The following GINS1 variants were observed in gnomAD, a reference collection of about 807,000 sequenced individuals.
GINS1 encodes the protein DNA replication complex GINS protein PSF1.
A neutral mutation model predicts 34.9 loss-of-function variants in GINS1; 26 were observed. The observed-to-expected ratio is 0.74, with a 90% confidence interval of 0.55 to 1.03. GINS1 has a LOEUF of 1.03. GINS1 is among the 50% of genes least tolerant of loss of function. The probability of loss-of-function intolerance (pLI) is 0.00; values close to 1 mark genes in which losing one functional copy is unlikely to be tolerated. For synonymous variants in GINS1, 97 were observed against 84.4 expected, an observed-to-expected ratio of 1.15 and a Z score of -0.82; for missense variants, 235 against 237.9, an observed-to-expected ratio of 0.99 and a Z score of 0.08.
chr20:25,445,874 T>C (rs2090509306), intron 6 of GINS1, 49 bp from the exon 7 acceptor site: 1 of 1,118,432 alleles, frequency 8.9e-7, no homozygotes, highest in Non-Finnish European at 1.3e-6. Context: ...TTCAAATTCT[T>C]TCCCAATCAT....
chr20:25,431,605 C>T (rs1266924248), intron 5 of GINS1, among the ~76,000 whole-genome samples: 1 of 143,924 alleles, frequency 6.9e-6, no homozygotes, highest in African/African-American at 2.6e-5. Flanking sequence ...GGATCTCACT[C>T]TGTTACCCAG....
At chr20:25,416,135 T>G (rs951424104) in intron 2 of GINS1, among the ~76,000 whole-genome samples, 8 of 152,080 alleles carry the variant, frequency 5.3e-5, no homozygotes, top group Non-Finnish European at 1.2e-4. Flanking sequence ...GGTTGCTGTG[T>G]GGAGGGGCTG....
At position 25,441,751 on chromosome 20, in the gene GINS1, C is replaced by G; in HGVS notation, c.497C>G (p.Ser166Ter). Residue 166 changes from serine (S) to a stop codon, truncating the protein, a stop_gained, in exon 6 of 7, where the codon TCA becomes TGA. Coordinates refer to ENST00000262460, the MANE Select transcript of GINS1 (RefSeq NM_021067.5). LOFTEE classifies it high-confidence loss of function. ...YGEFEVDDGT[S>*]VLLKKNSQHF... is the part of the protein sequence containing the mutation. ...GAATTTGAAGTTGATGATGGCACTT[C>G]AGTCCTATTAAAAAAAAATAGCCAG... 6.4e-7 allele frequency: 1 copy of G among 1,559,198 alleles called. No homozygotes were observed. The highest frequency in any genetic ancestry group is 2.3e-5 in the East Asian group (1 of 44,444).
At chr20:25,443,137 C>G (rs1301891118) in intron 6 of GINS1, 1 of 152,126 alleles carries the variant, frequency 6.6e-6, no homozygotes, top group African/African-American at 2.4e-5. Flanking sequence ...TCTTATTTTA[C>G]TAATACCCTT....
chr20:25,413,689 C>T, intron 1 of GINS1, 101 bp from the exon 2 acceptor site: 1 of 752,424 alleles, frequency 1.3e-6, no homozygotes, highest in East Asian at 2.5e-5. Flanking sequence ...TTGCTTTTTG[C>T]TAAAGTATAT....
At position 25,425,235 on chromosome 20, in the gene GINS1, A is replaced by T. The variant is rs1161447083; in HGVS notation, c.355A>T (p.Arg119Ter). The T allele has an allele frequency of 6.6e-7, 1 of 1,518,148 alleles. No homozygotes were observed. The highest frequency in any genetic ancestry group is 9.1e-7 in the Non-Finnish European group (1 of 1,093,410). The allele number at this position is 1,518,148 out of a possible 1,614,324, so 94.0% of individuals were successfully genotyped here. Residue 119 changes from arginine (R) to a stop codon, truncating the protein, a stop_gained, in exon 5 of 7, where the codon AGA (arginine) becomes TGA (stop). Coordinates refer to ENST00000262460, the MANE Select transcript of GINS1 (RefSeq NM_021067.5). LOFTEE classifies it high-confidence loss of function. ...EEMEWFNNYK[R>*]SLATYMRSLG... The stretch of plus-strand genomic sequence containing the variant: ...GATGGAGTGGTTTAATAATTATAAA[A>T]GATCTCTTGCTACTTATATGAGGTC...
intron 5 of GINS1, among the ~76,000 whole-genome samples, chr20:25,425,769 T>C (rs1282771265): frequency 6.6e-6 from 1 of 152,194 alleles, no homozygotes; most frequent in East Asian, 1.9e-4. Flanking sequence ...GTCTTTCAAG[T>C]TGGTGGATTA....
intron 6 of GINS1, among the ~76,000 whole-genome samples, chr20:25,444,648 C>G (rs751844341): frequency 3.9e-5 from 6 of 152,158 alleles, no homozygotes; most frequent in Non-Finnish European, 2.9e-5. Flanking sequence ...AATTGAAAAG[C>G]CTTCCTGCCT....
intron 5 of GINS1, among the ~76,000 whole-genome samples, chr20:25,434,742 G>A (rs902806905): frequency 6.6e-6 from 1 of 152,200 alleles, no homozygotes; most frequent in Non-Finnish European, 1.5e-5. Context: ...ACTGTGCCCA[G>A]CCAGCCTGTC....
At chr20:25,442,711 G>C (rs1476207398) in intron 6 of GINS1, among the ~76,000 whole-genome samples, 1 of 150,788 alleles carries the variant, frequency 6.6e-6, no homozygotes, top group African/African-American at 2.4e-5. Flanking sequence ...GGGCTCAAGT[G>C]ATCCCCCACC....
rs2146230284 is a variant in GINS1 at position 25,446,638 on chromosome 20, GGGAA to G, written c.*655_*658del. 6.6e-6 allele frequency: 1 copy of G among 152,290 alleles called. No homozygotes were observed. Among genetic ancestry groups the G allele is most frequent in the Admixed American group, 6.5e-5 (1 of 15,296 alleles). The allele number at this position is 152,290 out of a possible 1,614,324, so 9.4% of individuals were successfully genotyped here. ...ATACTAATTTATCATCTGGCTATTT[GGGAA>G]GGAAGGACACACATGGATTTTGCAC... On this transcript the variant is annotated 3_prime_UTR_variant, in exon 7 of 7. Transcript: ENST00000262460.
chr20:25,442,930 T>C (rs2090490746), intron 6 of GINS1: 1 of 152,116 alleles, frequency 6.6e-6, no homozygotes, highest in Admixed American at 6.6e-5. Context: ...CCTATCCCAA[T>C]TTTCTGAAGT....
chr20:25,440,663 T>G (rs1050534717), intron 5 of GINS1, among the ~76,000 whole-genome samples: 3 of 151,300 alleles, frequency 2.0e-5, no homozygotes, highest in Admixed American at 6.6e-5. Flanking sequence ...ATACAAAAAT[T>G]AGTTGGGTAT....
intron 5 of GINS1, among the ~76,000 whole-genome samples, chr20:25,427,124 C>T (rs1045271279): frequency 6.6e-6 from 1 of 152,080 alleles, no homozygotes; most frequent in Non-Finnish European, 1.5e-5. Context: ...CGCAAGGGTT[C>T]CATTTTCTCC....
chr20:25,417,180 C>T lies in GINS1; in HGVS notation c.217C>T (p.Arg73Ter), dbSNP rs892761523. 5.7e-6 allele frequency: 9 copies of T among 1,569,424 alleles called. No homozygotes were observed. Among genetic ancestry groups the T allele is most frequent in the Admixed American group, 3.4e-5 (2 of 59,448 alleles). Residue 73 changes from arginine to a stop codon, truncating the protein, a stop_gained, in exon 3 of 7, where the codon CGA becomes TGA. Coordinates refer to ENST00000262460, the MANE Select transcript of GINS1 (RefSeq NM_021067.5). LOFTEE classifies it high-confidence loss of function. ...KFRHCSLLRNRRCTVAYLYDR... is the reference protein window; with the variant it reads ...KFRHCSLLRN ...TCGACACTGTTCTCTGTTAAGAAATCGACGCTGCACTGTAGCATACCTGTA... is the reference window on the plus strand; with the variant it reads ...TCGACACTGTTCTCTGTTAAGAAATTGACGCTGCACTGTAGCATACCTGTA...
chr20:25,416,349 T>C (rs1380954971), intron 2 of GINS1, among the ~76,000 whole-genome samples: 1 of 152,174 alleles, frequency 6.6e-6, no homozygotes. Context: ...CATCAGACTT[T>C]CATAGGGTGG....
chr20:25,445,876 C>A, intron 6 of GINS1, 47 bp from the exon 7 acceptor site: 1 of 1,125,766 alleles, frequency 8.9e-7, no homozygotes, highest in South Asian at 1.3e-5. Flanking sequence ...CAAATTCTTT[C>A]CCAATCATTT....
chr20:25,439,448 G>A (rs755055240), intron 5 of GINS1, among the ~76,000 whole-genome samples: 18 of 152,192 alleles, frequency 1.2e-4, no homozygotes, highest in African/African-American at 4.1e-4. Context: ...CAAAGCAGGA[G>A]TATTGCTTGA....
At chr20:25,408,820 C>T (rs1460082600) in intron 1 of GINS1, 3 of 635,924 alleles carry the variant, frequency 4.7e-6, no homozygotes, top group Non-Finnish European at 5.9e-6. Context: ...GATTTGAACC[C>T]TGGCACTCTG....
Sources: gnomAD v4.1 joint callset for allele counts (sites outside exome capture counted in the v4.1 genomes callset) on GRCh38, gnomAD v4.1.1 for gene constraint, MANE v1.5 for transcripts, NCBI Gene and HGNC (gene_info 2026-07-23, HGNC 2026-07-21) for gene names.